FIG4: variants seen among roughly 807,000 people sequenced by gnomAD.
FIG4 encodes the protein polyphosphoinositide phosphatase.
FIG4 carries 112 observed loss-of-function variants against 118.6 expected under a neutral mutation model. The observed-to-expected ratio is 0.94, with a 90% confidence interval of 0.81 to 1.11. The LOEUF (loss-of-function observed/expected upper bound fraction) is 1.11. Among genes scored for constraint, FIG4 ranks in the 50% least tolerant of loss-of-function variants. The pLI, the probability that FIG4 is intolerant of heterozygous loss-of-function variation, is 0.00. For missense variants in FIG4, 969 were observed against 1,111.7 expected (o/e 0.87, Z 1.83); for synonymous variants, 369 against 381.2 (o/e 0.97, Z 0.37).
intron 9 of FIG4, 37 bp downstream of exon 9, chr6:109,743,309 C>T (rs941160088): frequency 6.3e-7 from 1 of 1,586,614 alleles, no homozygotes; most frequent in South Asian, 1.1e-5. Context: ...AACTCCTGTC[C>T]TCACATTTAG....
At chr6:109,823,946 T>C (rs1410691671) in intron 22 of FIG4, among the ~76,000 whole-genome samples, 1 of 152,200 alleles carries the variant, frequency 6.6e-6, no homozygotes. Context: ...TAGCTTACCA[T>C]CGTCCCCTTT....
intron 3 of FIG4, among the ~76,000 whole-genome samples, chr6:109,720,066 CTG>C (rs1400076399): frequency 1.3e-5 from 2 of 152,166 alleles, no homozygotes; most frequent in African/African-American, 4.8e-5. Context: ...AGCTTTGAGA[CTG>C]TGCATGTATG....
chr6:109,800,475 A>C (rs1301367480), intron 22 of FIG4, among the ~76,000 whole-genome samples: 1 of 152,208 alleles, frequency 6.6e-6, no homozygotes, highest in Non-Finnish European at 1.5e-5. Flanking sequence ...TGCTTGACTG[A>C]TTTGGTAACA....
intron 6 of FIG4, among the ~76,000 whole-genome samples, chr6:109,736,130 T>A (rs1396587056): frequency 6.6e-6 from 1 of 152,170 alleles, no homozygotes; most frequent in Non-Finnish European, 1.5e-5. Context: ...CTGTGGAAAG[T>A]AAGTCAATAG....
Position 109,786,376 on chromosome 6 carries a change from A to G in FIG4, c.2023A>G (p.Asn675Asp), listed in dbSNP as rs1204483891. The change falls in exon 18 of 23, where the codon AAT becomes GAT. Residue 675 changes from asparagine (N) to aspartate (D), a missense_variant. Transcript: ENST00000230124. ...HKYEEEIDIH[N>D]EFFRPYELSS... ...ATATGAAGAAGAGATTGATATCCAC[A>G]ATGAGTTCTTTCGGCCATATGAGTT... 3.1e-6 allele frequency: 5 copies of G among 1,613,828 alleles called. No homozygotes were observed. The African/African-American group carries it at 5.3e-5, about 17-fold the overall frequency.
chr6:109,734,451 TATAA>T (rs1187778706), intron 5 of FIG4, among the ~76,000 whole-genome samples: 8 of 150,126 alleles, frequency 5.3e-5, no homozygotes, highest in East Asian at 1.9e-4. Flanking sequence ...AGTATGCATA[TATAA>T]ATACTGTATA....
At chr6:109,741,643 G>T in intron 8 of FIG4, 99 bp downstream of exon 8, 1 of 835,962 alleles carries the variant, frequency 1.2e-6, no homozygotes, top group Non-Finnish European at 2.1e-6. Context: ...GTATTTCTTA[G>T]TTTGGGATAT....
At chr6:109,714,407 G>A (rs745389159) in intron 1 of FIG4, among the ~76,000 whole-genome samples, 20 of 152,242 alleles carry the variant, frequency 1.3e-4, no homozygotes, top group East Asian at 1.9e-4. Flanking sequence ...CAGCTGTTCC[G>A]CCTGGCTGCC....
At chr6:109,812,104 TC>T (rs2128400587) in intron 22 of FIG4, among the ~76,000 whole-genome samples, 1 of 152,246 alleles carries the variant, frequency 6.6e-6, no homozygotes. Flanking sequence ...AAGGAGCTCT[TC>T]CCTTTCGCTT....
chr6:109,733,831 T>C (rs1323394660), intron 5 of FIG4, among the ~76,000 whole-genome samples: 1 of 145,900 alleles, frequency 6.9e-6, no homozygotes, highest in Non-Finnish European at 1.5e-5. Context: ...GAAATGGCCT[T>C]CTTCTTCATA....
chr6:109,755,541 G>A (rs1413633129), intron 10 of FIG4, among the ~76,000 whole-genome samples: 1 of 152,112 alleles, frequency 6.6e-6, no homozygotes, highest in African/African-American at 2.4e-5. Flanking sequence ...GTGGGGTGTT[G>A]AAGTTTCCCA....
At chr6:109,789,548 G>A (rs972497363) in intron 18 of FIG4, 46 bp from the exon 19 acceptor site, 1 of 1,337,764 alleles carries the variant, frequency 7.5e-7, no homozygotes, top group Non-Finnish European at 1.1e-6. Flanking sequence ...AATATCATCT[G>A]GATGGACAGT....
At chr6:109,795,595 CTTTTTTTTTT>C (rs72384711) in intron 21 of FIG4, among the ~76,000 whole-genome samples, 5 of 69,536 alleles carry the variant, frequency 7.2e-5, no homozygotes, top group South Asian at 1.1e-3. Context: ...GGTTTCAGTC[CTTTTTTTTTT>C]TTTTTTTTTT....
At chr6:109,819,790 T>C (rs778774395) in intron 22 of FIG4, among the ~76,000 whole-genome samples, 24 of 152,186 alleles carry the variant, frequency 1.6e-4, no homozygotes, top group Non-Finnish European at 2.2e-4. Flanking sequence ...ATAGTTCACC[T>C]TTACTGAGCA....
chr6:109,699,150 G>T (rs1442958305), intron 1 of FIG4, among the ~76,000 whole-genome samples: 1 of 152,204 alleles, frequency 6.6e-6, no homozygotes, highest in African/African-American at 2.4e-5. Flanking sequence ...TTCCATAACA[G>T]ATATAGGGCT....
At chr6:109,725,453 A>G (rs1583652899) in intron 3 of FIG4, among the ~76,000 whole-genome samples, 1 of 152,108 alleles carries the variant, frequency 6.6e-6, no homozygotes, top group Non-Finnish European at 1.5e-5. Flanking sequence ...TTATGGCTGC[A>G]TAGTATTCCA....
In FIG4 at chr6:109,760,270, T is replaced by C. The variant is rs370557879; in HGVS notation, c.1158T>C (p.His386=). ...TAAAGGAACGAGAGAAAAGAAAGCA[T>C]GAAAGAATTCTGAGTGAAGAACTTG... The part of the protein sequence containing the change: ...NLVKEREKRK[H]ERILSEELVA... The change falls in exon 11 of 23, where the codon CAT becomes CAC. Residue 386 remains histidine (H), a synonymous_variant. Transcript: ENST00000230124. 82 of 1,613,884 alleles carry C rather than the reference T, an allele frequency of 5.1e-5. No individual in the cohort carries two copies. The highest frequency in any genetic ancestry group is 1.2e-4 in the South Asian group (11 of 91,078).
At chr6:109,797,760 G>A (rs904806562) in intron 22 of FIG4, among the ~76,000 whole-genome samples, 2 of 152,056 alleles carry the variant, frequency 1.3e-5, no homozygotes, top group Non-Finnish European at 2.9e-5. Context: ...GCCGGGCATG[G>A]TGGTGCGTGC....
chr6:109,783,313 G>T (rs1169453443), intron 16 of FIG4, among the ~76,000 whole-genome samples: 1 of 152,206 alleles, frequency 6.6e-6, no homozygotes, highest in Non-Finnish European at 1.5e-5. Flanking sequence ...TCTGCTAAAT[G>T]TAAAAATTAA....
Sources: gnomAD v4.1 joint callset for allele counts (sites outside exome capture counted in the v4.1 genomes callset) on GRCh38, gnomAD v4.1.1 for gene constraint, MANE v1.5 for transcripts, NCBI Gene and HGNC (gene_info 2026-07-23, HGNC 2026-07-21) for gene names.